The following NELL1 variants were observed in gnomAD, a reference collection of about 807,000 sequenced individuals.
NELL1 encodes protein kinase C-binding protein NELL1.
In NELL1, 76 loss-of-function variants were observed where a neutral mutation model predicts 107.4. That is an observed-to-expected ratio of 0.71 (90% CI 0.59 to 0.86). NELL1 has a LOEUF of 0.86. Ranked by LOEUF, NELL1 falls within the 40% of genes least tolerant of loss-of-function variation. The probability of loss-of-function intolerance (pLI) is 0.00; values close to 1 mark genes in which losing one functional copy is unlikely to be tolerated. For missense variants in NELL1, 1,024 were observed against 1,005.5 expected, an observed-to-expected ratio of 1.02 and a Z score of -0.25; for synonymous variants, 353 against 341.2, an observed-to-expected ratio of 1.03 and a Z score of -0.38.
chr11:20,811,641 A>C (rs186266352), intron 3 of NELL1, among the ~76,000 whole-genome samples: 20 of 152,134 alleles, frequency 1.3e-4, no homozygotes, highest in Non-Finnish European at 1.5e-5. Context: ...TTTTCATTGT[A>C]GAGTTCTTTT....
At chr11:20,894,248 A>T (rs1394338318) in intron 5 of NELL1, among the ~76,000 whole-genome samples, 6 of 152,258 alleles carry the variant, frequency 3.9e-5, no homozygotes, top group African/African-American at 1.4e-4. Flanking sequence ...GATGTAAGAA[A>T]TAATAACTAT....
At position 21,154,444 on chromosome 11, in the gene NELL1, T is replaced by C. The variant is rs938202742; in HGVS notation, c.1426+40730T>C. Among the ~76,000 whole-genome samples the C allele has an allele frequency of 7.9e-4, 120 of 152,174 alleles. 1 individual carries two copies. The highest frequency in any genetic ancestry group is 1.5e-5 in the Non-Finnish European group (1 of 68,026). On this transcript the variant is annotated intron_variant, in intron 13 of 19. Coordinates refer to ENST00000357134, the MANE Select transcript of NELL1 (RefSeq NM_006157.5). ...TGAAATCCAATTCCATTCAATCCATTAAACATTTATTAATTGATTATTATC... is the reference window on the plus strand; with the variant it reads ...TGAAATCCAATTCCATTCAATCCATCAAACATTTATTAATTGATTATTATC...
intron 1 of NELL1, among the ~76,000 whole-genome samples, chr11:20,673,663 T>C (rs578084537): frequency 6.6e-6 from 1 of 152,300 alleles, no homozygotes; most frequent in East Asian, 1.9e-4. Context: ...TCTGTGACAT[T>C]GACATGCTGC....
intron 2 of NELL1, among the ~76,000 whole-genome samples, chr11:20,697,595 T>C (rs1046514400): frequency 3.3e-5 from 5 of 152,072 alleles, no homozygotes; most frequent in African/African-American, 1.2e-4. Context: ...GAGCTACATG[T>C]TGTGGAAGAC....
At chr11:21,190,007 T>C (rs1220181224) in intron 13 of NELL1, among the ~76,000 whole-genome samples, 1 of 151,770 alleles carries the variant, frequency 6.6e-6, no homozygotes, top group Non-Finnish European at 1.5e-5. Context: ...GTTTGTTTTG[T>C]CAATTCAATT....
chr11:20,751,906 T>A (rs2133946082), intron 2 of NELL1, among the ~76,000 whole-genome samples: 1 of 152,360 alleles, frequency 6.6e-6, no homozygotes, highest in Admixed American at 6.5e-5. Flanking sequence ...AACTTTTATA[T>A]ATTGGCCATT....
intron 12 of NELL1, among the ~76,000 whole-genome samples, chr11:21,047,700 A>C (rs1853390638): frequency 6.6e-6 from 1 of 152,190 alleles, no homozygotes; most frequent in Non-Finnish European, 1.5e-5. Context: ...GTTTATGCTA[A>C]CATATAAAAT....
intron 12 of NELL1, among the ~76,000 whole-genome samples, chr11:21,039,266 A>C (rs1014946993): frequency 4.0e-5 from 6 of 151,806 alleles, no homozygotes; most frequent in Non-Finnish European, 7.4e-5. Flanking sequence ...GCTCACTGCA[A>C]CCTCTGCCTC....
intron 12 of NELL1, among the ~76,000 whole-genome samples, chr11:20,988,434 T>A (rs1216564712): frequency 8.3e-6 from 1 of 120,722 alleles, no homozygotes. Context: ...TGTGTGTATA[T>A]ATATCTATAT....
At chr11:20,984,524 T>G (rs1851812761) in intron 12 of NELL1, among the ~76,000 whole-genome samples, 1 of 152,212 alleles carries the variant, frequency 6.6e-6, no homozygotes. Context: ...ATTCCCTTTC[T>G]TCTTTCCTCC....
intron 13 of NELL1, among the ~76,000 whole-genome samples, chr11:21,189,178 G>T (rs1325663844): frequency 6.6e-6 from 1 of 151,758 alleles, no homozygotes; most frequent in Admixed American, 6.6e-5. Context: ...GTAATCCATT[G>T]TATGAATAGT....
intron 13 of NELL1, among the ~76,000 whole-genome samples, chr11:21,209,465 C>T (rs1290507658): frequency 6.6e-6 from 1 of 151,616 alleles, no homozygotes; most frequent in Non-Finnish European, 1.5e-5. Context: ...TTCTAACTCC[C>T]ATTCTTGGAA....
intron 12 of NELL1, among the ~76,000 whole-genome samples, chr11:20,983,479 C>A (rs1186999729): frequency 1.3e-5 from 2 of 152,180 alleles, no homozygotes; most frequent in Non-Finnish European, 2.9e-5. Context: ...GCCCTGAACA[C>A]CTGCTCTTCT....
chr11:21,202,098 T>A (rs867259893), intron 13 of NELL1, among the ~76,000 whole-genome samples: 9 of 152,326 alleles, frequency 5.9e-5, no homozygotes, highest in African/African-American at 2.2e-4. Flanking sequence ...CTTTTTTTGT[T>A]GTATCTCTGC....
intron 12 of NELL1, among the ~76,000 whole-genome samples, chr11:20,996,900 C>T (rs568717384): frequency 6.6e-6 from 1 of 152,204 alleles, no homozygotes; most frequent in Non-Finnish European, 1.5e-5. Flanking sequence ...TCTGAATCTC[C>T]CCCACCTCCA....
At position 21,116,331 on chromosome 11, in the gene NELL1, G is replaced by A. The variant is rs767964838; in HGVS notation, c.1426+2617G>A. Among the ~76,000 whole-genome samples the A allele has an allele frequency of 3.3e-5, 5 of 151,846 alleles. 1 individual carries two copies. The highest frequency in any genetic ancestry group is 9.7e-5 in the African/African-American group (4 of 41,440). On this transcript the variant is annotated intron_variant, in intron 13 of 19. Transcript: ENST00000357134. Reference sequence around the variant, plus strand: ...CTTCTGAAAGGTTAGAGTACCCTCCGGTTCTATCCTGGTCCCCTTCCCCTG... The same window carrying A: ...CTTCTGAAAGGTTAGAGTACCCTCCAGTTCTATCCTGGTCCCCTTCCCCTG...
intron 12 of NELL1, among the ~76,000 whole-genome samples, chr11:20,963,538 G>T (rs958005015): frequency 3.3e-5 from 5 of 152,068 alleles, no homozygotes; most frequent in Non-Finnish European, 7.4e-5. Flanking sequence ...ATTCTTTTAT[G>T]ATTACATTTA....
intron 9 of NELL1, among the ~76,000 whole-genome samples, chr11:20,932,260 G>A (rs1276042457): frequency 6.6e-6 from 1 of 151,800 alleles, no homozygotes; most frequent in Non-Finnish European, 1.5e-5. Context: ...CCTGAAATCT[G>A]TATTATTTTG....
chr11:21,426,858 G>A (rs192702686), intron 15 of NELL1, among the ~76,000 whole-genome samples: 4 of 152,276 alleles, frequency 2.6e-5, no homozygotes, highest in African/African-American at 9.6e-5. Context: ...GAAGATCCAA[G>A]AGAATTACGA....
Sources: gnomAD v4.1 joint callset for allele counts (sites outside exome capture counted in the v4.1 genomes callset) on GRCh38, gnomAD v4.1.1 for gene constraint, MANE v1.5 for transcripts, NCBI Gene and HGNC (gene_info 2026-07-23, HGNC 2026-07-21) for gene names.